Variants in MOCOS observed in about 807,000 individuals in gnomAD.
The protein encoded by MOCOS is molybdenum cofactor sulfurase, also known as human molybdenum cofactor sulfurase.
Under a neutral mutation model 83.6 loss-of-function variants are expected in MOCOS, and 86 were observed. The observed-to-expected ratio is 1.03, with a 90% CI of 0.86 to 1.23. The LOEUF (loss-of-function observed/expected upper bound fraction) is 1.23. Ranked by LOEUF, MOCOS falls within the 50% of genes most tolerant of loss-of-function variation. The pLI is 0.00. For missense variants in MOCOS, 1,120 were observed against 1,126.9 expected (o/e 0.99, Z 0.09); for synonymous variants, 445 against 434.7 (o/e 1.02, Z -0.29).
intron 8 of MOCOS, among the ~76,000 whole-genome samples, chr18:36,219,074 G>A (rs1263353105): frequency 6.7e-5 from 10 of 150,032 alleles, no homozygotes; most frequent in South Asian, 2.1e-4. Context: ...TCACCATGTC[G>A]GCCAGGATGG....
chr18:36,260,556 C>G (rs1422318843), intron 13 of MOCOS, among the ~76,000 whole-genome samples: 2 of 152,158 alleles, frequency 1.3e-5, no homozygotes, highest in Non-Finnish European at 2.9e-5. Flanking sequence ...GGCCCAGAAG[C>G]CTGGCGGTGC....
At chr18:36,253,817 G>A (rs2091630785) in intron 11 of MOCOS, among the ~76,000 whole-genome samples, 1 of 152,152 alleles carries the variant, frequency 6.6e-6, no homozygotes, top group Admixed American at 6.5e-5. Context: ...TAGATGGGGA[G>A]AAGGGTTGAG....
In MOCOS at chr18:36,271,722, G is replaced by A. The variant is rs1162691068; in HGVS notation, c.*3037G>A. The A allele has an allele frequency of 1.3e-5, 2 of 152,180 alleles. No individual in the cohort carries two copies. The highest frequency in any genetic ancestry group is 2.9e-5 in the Non-Finnish European group (2 of 68,028). The allele number at this position is 152,180 out of a possible 1,614,324, so 9.4% of individuals were successfully genotyped here. ...CGCGTCATGGTCCTTTTAGCCAGAA[G>A]AGAGGTTTTCTTTTGCATAGTTTGG... On this transcript the variant is annotated 3_prime_UTR_variant, in exon 15 of 15. Coordinates refer to ENST00000261326, the MANE Select transcript of MOCOS (RefSeq NM_017947.4).
At chr18:36,199,196 C>G (rs2091401852) in intron 3 of MOCOS, among the ~76,000 whole-genome samples, 1 of 152,122 alleles carries the variant, frequency 6.6e-6, no homozygotes, top group Non-Finnish European at 1.5e-5. Flanking sequence ...AAACAGCTCT[C>G]TATACTTTCT....
At chr18:36,266,981 G>A in intron 14 of MOCOS, 128 bp downstream of exon 14, 1 of 791,262 alleles carries the variant, frequency 1.3e-6, no homozygotes, top group Non-Finnish European at 2.2e-6. Context: ...AAGCTGTTGG[G>A]CTGCCATTAA....
intron 1 of MOCOS, among the ~76,000 whole-genome samples, chr18:36,190,915 T>A (rs1274756839): frequency 6.7e-6 from 1 of 150,140 alleles, no homozygotes; most frequent in African/African-American, 2.4e-5. Context: ...CACATGCCTG[T>A]AATCCCAGCT....
In MOCOS at chr18:36,264,091, C is replaced by G. The variant is rs1044309950; in HGVS notation, c.2410-2658C>G. On this transcript the variant is annotated intron_variant, in intron 13 of 14. Coordinates refer to ENST00000261326, the MANE Select transcript of MOCOS (RefSeq NM_017947.4). ...TCAGGAGGCTGAGGTAGGAGAATCG[C>G]TTGAACACAGGAGGTGGAGTTTGCA... is the stretch of plus-strand genomic sequence containing the variant. Among the ~76,000 whole-genome samples, 3 of 152,068 alleles carry G rather than the reference C, an allele frequency of 2.0e-5. No individual in the cohort carries two copies. In the South Asian group the frequency reaches 6.2e-4, roughly 32 times the overall value.
chr18:36,237,577 A>G (rs2091564260), intron 9 of MOCOS, among the ~76,000 whole-genome samples: 1 of 152,130 alleles, frequency 6.6e-6, no homozygotes, highest in Non-Finnish European at 1.5e-5. Flanking sequence ...CATCAAGGAT[A>G]TTGGTCTAAA....
In MOCOS at chr18:36,222,605, A is replaced by ATT. The variant is rs201371655; in HGVS notation, c.1960+2400_1960+2401dup. Among the ~76,000 whole-genome samples, 52 of 140,314 alleles carry ATT rather than the reference A, an allele frequency of 3.7e-4. 1 individual carries two copies. The highest frequency in any genetic ancestry group is 3.6e-3 in the Middle Eastern group (1 of 276). 92.1% of individuals were successfully genotyped at this position (140,314 alleles called of 152,430 possible). A position where few individuals can be genotyped will look rare whatever the true frequency, so the allele number is the denominator to read the frequency against. ...CCCATTTTTTTTTTTTAATTTTTTAATTTTTTTTTTTTTAGAGACAGAGCC... is the reference window on the plus strand; with the variant it reads ...CCCATTTTTTTTTTTTAATTTTTTAATTTTTTTTTTTTTTTAGAGACAGAGCC... On this transcript the variant is annotated intron_variant, in intron 9 of 14. Coordinates refer to ENST00000261326, the MANE Select transcript of MOCOS (RefSeq NM_017947.4).
chr18:36,253,730 A>G (rs537752331), intron 11 of MOCOS, among the ~76,000 whole-genome samples: 1 of 151,002 alleles, frequency 6.6e-6, no homozygotes, highest in South Asian at 2.1e-4. Context: ...ACCAGGGAGC[A>G]GCATGGCAGG....
intron 9 of MOCOS, among the ~76,000 whole-genome samples, chr18:36,223,702 T>C (rs998557755): frequency 5.3e-5 from 8 of 152,372 alleles, no homozygotes; most frequent in Admixed American, 1.3e-4. Flanking sequence ...ATTTTAACAA[T>C]ATTAATTCTT....
intron 9 of MOCOS, 121 bp downstream of exon 9, chr18:36,220,338 T>G: frequency 2.6e-6 from 3 of 1,162,836 alleles, no homozygotes; most frequent in Non-Finnish European, 3.5e-6. Flanking sequence ...AGACCTCATC[T>G]CTACAAAAAA....
rs1173675024 is a variant in MOCOS, at chr18:36,237,618, C to CCTCATAAATGAG, written c.1961-11304_1961-11303insCTCATAAATGAG. Among the ~76,000 whole-genome samples the CCTCATAAATGAG allele has an allele frequency of 7.3e-4, 111 of 152,190 alleles. 1 individual carries two copies. Among genetic ancestry groups the CCTCATAAATGAG allele is most frequent in the African/African-American group, 1.9e-3 (78 of 41,510 alleles). ...CTTCTTTGGTTGTGTCTCTGCCTGG[C>CCTCATAAATGAG]TTTGGTATCAGAATGATGCTGGCCT... On this transcript the variant is annotated intron_variant, in intron 9 of 14. Coordinates refer to ENST00000261326, the MANE Select transcript of MOCOS (RefSeq NM_017947.4).
chr18:36,258,156 G>A (rs1471171046), intron 12 of MOCOS, among the ~76,000 whole-genome samples: 1 of 127,866 alleles, frequency 7.8e-6, no homozygotes, highest in African/African-American at 2.7e-5. Flanking sequence ...TGGAAAGATA[G>A]GAGGTGGGGA....
At chr18:36,233,643 C>T (rs765850447) in intron 9 of MOCOS, among the ~76,000 whole-genome samples, 3 of 152,174 alleles carry the variant, frequency 2.0e-5, no homozygotes, top group Non-Finnish European at 1.5e-5. Context: ...TACTAGTTTA[C>T]ATTCCCACCA....
intron 4 of MOCOS, 73 bp from the exon 5 acceptor site, chr18:36,203,040 A>G (rs904125655): frequency 1.4e-5 from 20 of 1,431,596 alleles, no homozygotes; most frequent in African/African-American, 2.8e-5. Context: ...TCTAAAGCTC[A>G]TTATATACCA....
intron 13 of MOCOS, among the ~76,000 whole-genome samples, chr18:36,261,500 T>C (rs1220984388): frequency 2.0e-5 from 3 of 152,234 alleles, no homozygotes; most frequent in East Asian, 3.8e-4. Flanking sequence ...ATTCAGGCTC[T>C]GCACTCAGAA....
intron 4 of MOCOS, 35 bp downstream of exon 4, chr18:36,200,359 C>T (rs764755589): frequency 1.2e-6 from 2 of 1,612,532 alleles, no homozygotes; most frequent in South Asian, 1.1e-5. Context: ...CAGAGGAGTT[C>T]AGCAAGGTGG....
intron 9 of MOCOS, among the ~76,000 whole-genome samples, chr18:36,224,107 T>C (rs1396505138): frequency 6.6e-6 from 1 of 152,206 alleles, no homozygotes; most frequent in East Asian, 1.9e-4. Context: ...AGAAATGCAA[T>C]AGATTTTTGC....
Sources: allele counts gnomAD v4.1 joint callset (sites outside exome capture counted in the v4.1 genomes callset), GRCh38; gene constraint gnomAD v4.1.1; transcripts MANE v1.5; gene names NCBI Gene and HGNC (gene_info 2026-07-23, HGNC 2026-07-21).